Variants in PELI2 observed in about 807,000 individuals in gnomAD.
The protein encoded by PELI2 is E3 ubiquitin-protein ligase pellino homolog 2.
Under a neutral mutation model 42.3 loss-of-function variants are expected in PELI2, and 23 were observed. That is an observed-to-expected ratio of 0.54 (90% CI 0.39 to 0.77). The LOEUF is 0.77. PELI2 is among the 30% of genes least tolerant of loss of function. PELI2 has a pLI of 0.00. For synonymous variants in PELI2, 245 were observed against 212.2 expected, an observed-to-expected ratio of 1.15 and a Z score of -1.34; for missense variants, 463 against 553.2, an observed-to-expected ratio of 0.84 and a Z score of 1.64.
At chr14:56,249,341 C>T (rs1174112668) in intron 2 of PELI2, among the ~76,000 whole-genome samples, 2 of 152,112 alleles carry the variant, frequency 1.3e-5, no homozygotes, top group Non-Finnish European at 2.9e-5. Flanking sequence ...TGCATTTGCC[C>T]ATCCACCCTC....
chr14:56,201,765 T>A (rs979166105), intron 2 of PELI2, among the ~76,000 whole-genome samples: 6 of 152,214 alleles, frequency 3.9e-5, no homozygotes, highest in African/African-American at 1.2e-4. Flanking sequence ...AAGCTAACTA[T>A]GTACAATAAT....
rs1888228745 is a variant in PELI2 at position 56,248,280 on chromosome 14, A to G, written c.208-31396A>G. ...GTGGCTTCTTTGAGCATAGTAAATA[A>G]TGAGAACATTAAGTTTCGCGCACAT... is the stretch of plus-strand genomic sequence containing the variant. On this transcript the variant is annotated intron_variant, in intron 2 of 5. Coordinates refer to ENST00000267460, the MANE Select transcript of PELI2 (RefSeq NM_021255.3). 2.0e-5 allele frequency among the ~76,000 whole-genome samples: 3 copies of G among 152,232 alleles called. No homozygotes were observed. In the South Asian group the frequency reaches 6.2e-4, roughly 31 times the overall value.
At chr14:56,249,988 T>C (rs1888288031) in intron 2 of PELI2, among the ~76,000 whole-genome samples, 2 of 152,324 alleles carry the variant, frequency 1.3e-5, no homozygotes, top group Non-Finnish European at 2.9e-5. Context: ...GCAAGATCAG[T>C]GCTCTCTCGT....
chr14:56,229,633 G>A (rs529789346), intron 2 of PELI2, among the ~76,000 whole-genome samples: 3 of 152,302 alleles, frequency 2.0e-5, no homozygotes, highest in African/African-American at 7.2e-5. Flanking sequence ...AAACCAAAAA[G>A]ATGGGGAGAA....
intron 1 of PELI2, chr14:56,119,720 C>T: frequency 1.0e-6 from 1 of 956,292 alleles, no homozygotes; most frequent in Non-Finnish European, 1.2e-6. Context: ...GGGGGAAGTG[C>T]AGGAAACTGG....
rs145866704 is a variant in PELI2 at position 56,300,446 on chromosome 14, CTT to C, written c.*3293_*3294del. On this transcript the variant is annotated 3_prime_UTR_variant, in exon 6 of 6. Transcript: ENST00000267460. ...TCTTTAGTTCATAAAGCTTCAATGT[CTT>C]TTTTTTTTTTTTCATGGAAAAACTC... 2.8e-4 allele frequency: 39 copies of C among 138,692 alleles called. No homozygotes were observed. The highest frequency in any genetic ancestry group is 3.2e-4 in the Non-Finnish European group (20 of 63,492). 8.6% of individuals were successfully genotyped at this position (138,692 alleles called of 1,614,324 possible).
chr14:56,198,889 G>C (rs1381353568), intron 2 of PELI2, among the ~76,000 whole-genome samples: 2 of 152,106 alleles, frequency 1.3e-5, no homozygotes, highest in Non-Finnish European at 1.5e-5. Context: ...ATCTACTCTG[G>C]ATTTTTGACA....
intron 2 of PELI2, among the ~76,000 whole-genome samples, chr14:56,190,719 A>G (rs1341301760): frequency 6.6e-6 from 1 of 152,218 alleles, no homozygotes; most frequent in Non-Finnish European, 1.5e-5. Flanking sequence ...ATAATATTCC[A>G]TTGTGTGAAT....
intron 2 of PELI2, among the ~76,000 whole-genome samples, chr14:56,218,644 C>T (rs4898891): frequency 0.4 from 61,462 of 151,952 alleles, 13,200 homozygotes; most frequent in South Asian, 0.53. Flanking sequence ...TTTATTGTTG[C>T]GGGTAATGCC....
chr14:56,267,885 C>T (rs1407131779), intron 2 of PELI2, among the ~76,000 whole-genome samples: 2 of 152,112 alleles, frequency 1.3e-5, no homozygotes, highest in Non-Finnish European at 2.9e-5. Context: ...TTGTAAGTTT[C>T]AATCTTTATA....
At chr14:56,175,225 G>T (rs529959778) in intron 1 of PELI2, among the ~76,000 whole-genome samples, 4 of 151,980 alleles carry the variant, frequency 2.6e-5, no homozygotes, top group Admixed American at 6.5e-5. Context: ...CGAACTCCTG[G>T]GCTCAAGCTG....
At chr14:56,216,770 T>C (rs1394272450) in intron 2 of PELI2, among the ~76,000 whole-genome samples, 1 of 152,252 alleles carries the variant, frequency 6.6e-6, no homozygotes, top group East Asian at 1.9e-4. Context: ...CTCAGTGTTC[T>C]GGCTCCCCTG....
chr14:56,127,826 G>A (rs1181155301), intron 1 of PELI2, among the ~76,000 whole-genome samples: 2 of 152,184 alleles, frequency 1.3e-5, no homozygotes, highest in Non-Finnish European at 2.9e-5. Flanking sequence ...ACTAAAAGAT[G>A]TGAAATCAAA....
At position 56,219,593 on chromosome 14, in the gene PELI2, A is replaced by G. The variant is rs189515419; in HGVS notation, c.207+41129A>G. 4.6e-5 allele frequency among the ~76,000 whole-genome samples: 7 copies of G among 152,184 alleles called. No homozygotes were observed. Among genetic ancestry groups the G allele is most frequent in the African/African-American group, 1.7e-4 (7 of 41,526 alleles). ...AGAAAGGGTCTCTGAGCTGCCACAC[A>G]CTCATAAGAGGCCTCCTTAGTCCTA... On this transcript the variant is annotated intron_variant, in intron 2 of 5. Coordinates refer to ENST00000267460, the MANE Select transcript of PELI2 (RefSeq NM_021255.3). This position sits in a 1 kb window ranked among gnomAD's most constrained non-coding sequence, Gnocchi z 4.1.
intron 3 of PELI2, among the ~76,000 whole-genome samples, chr14:56,285,327 T>C (rs1889609110): frequency 6.6e-6 from 1 of 152,202 alleles, no homozygotes; most frequent in African/African-American, 2.4e-5. Context: ...GTTTTGACTT[T>C]TAGCTTGAGC....
rs771174117 is a variant in PELI2, at chr14:56,118,721, G to A, written c.61G>A (p.Glu21Lys). ...CAATAAGGAGCCAGTGAAATACGGG[G>A]AGCTGGTGGTGCTCGGGTGAGTCCT... ...APNKEPVKYG[E>K]LVVLGYNGAL... The change falls in exon 1 of 6, where the codon GAG becomes AAG. Residue 21 changes from glutamate (E) to lysine (K), a missense_variant. Coordinates refer to ENST00000267460, the MANE Select transcript of PELI2 (RefSeq NM_021255.3). The A allele has an allele frequency of 1.3e-6, 2 of 1,529,168 alleles. No homozygotes were observed. The highest frequency in any genetic ancestry group is 2.0e-5 in the Admixed American group (1 of 50,454). 94.7% of individuals were successfully genotyped at this position (1,529,168 alleles called of 1,614,324 possible). A position where few individuals can be genotyped will look rare whatever the true frequency, so the allele number is the denominator to read the frequency against.
chr14:56,293,266 C>T (rs1889893162), intron 5 of PELI2, among the ~76,000 whole-genome samples: 2 of 152,318 alleles, frequency 1.3e-5, no homozygotes, highest in Non-Finnish European at 2.9e-5. Flanking sequence ...CCAAATGTCT[C>T]TTGCTTCCAC....
At chr14:56,177,154 T>A (rs1885411917) in intron 1 of PELI2, among the ~76,000 whole-genome samples, 1 of 152,250 alleles carries the variant, frequency 6.6e-6, no homozygotes, top group African/African-American at 2.4e-5. Context: ...TGGGAATAAC[T>A]TACAGTGATA....
intron 1 of PELI2, among the ~76,000 whole-genome samples, chr14:56,178,134 A>G (rs1885449876): frequency 6.6e-6 from 1 of 152,148 alleles, no homozygotes; most frequent in Non-Finnish European, 1.5e-5. Context: ...CTTGTACATC[A>G]CTCTTAAATT....
Sources: gnomAD v4.1 joint callset for allele counts (sites outside exome capture counted in the v4.1 genomes callset) on GRCh38, gnomAD v4.1.1 for gene constraint, Gnocchi (gnomAD v3.1) non-coding constraint, MANE v1.5 for transcripts, NCBI Gene and HGNC (gene_info 2026-07-23, HGNC 2026-07-21) for gene names.